Variants in SGCG observed in about 807,000 individuals in gnomAD.
SGCG encodes the protein sarcoglycan gamma, also known as gamma-sarcoglycan.
In SGCG, 26 loss-of-function variants were observed where a neutral mutation model predicts 29.3. The observed-to-expected ratio is 0.89, with a 90% confidence interval of 0.65 to 1.23. SGCG has a LOEUF of 1.23. Among genes scored for constraint, SGCG ranks in the 50% most tolerant of loss-of-function variants. The pLI is 0.00. For missense variants in SGCG, 353 were observed against 356.0 expected (o/e 0.99, Z 0.07); for synonymous variants, 145 against 129.7 (o/e 1.12, Z -0.80).
At chr13:23,299,506 G>A (rs1566037623) in intron 6 of SGCG, among the ~76,000 whole-genome samples, 1 of 134,536 alleles carries the variant, frequency 7.4e-6, no homozygotes, top group Non-Finnish European at 1.6e-5. Flanking sequence ...AGGCTGGGGT[G>A]CAGTGGCGCG....
intron 2 of SGCG, among the ~76,000 whole-genome samples, chr13:23,213,450 C>T (rs1193486072): frequency 2.6e-5 from 4 of 152,064 alleles, no homozygotes; most frequent in African/African-American, 9.7e-5. Context: ...CCACAGCACT[C>T]CAGCCTGGGT....
chr13:23,172,323 A>T, the SGCG span, among the ~76,000 whole-genome samples: 24 of 152,312 alleles, frequency 1.6e-4, no homozygotes, highest in South Asian at 4.8e-3. Context: ...AAAAAACATA[A>T]CACTTAGGAA....
chr13:23,230,904 A>G (rs1369786160), intron 2 of SGCG, among the ~76,000 whole-genome samples: 2 of 152,134 alleles, frequency 1.3e-5, no homozygotes, highest in East Asian at 3.8e-4. Flanking sequence ...TTAACCATTC[A>G]GTATGATATT....
At chr13:23,277,648 G>A (rs935543671) in intron 4 of SGCG, among the ~76,000 whole-genome samples, 1 of 151,214 alleles carries the variant, frequency 6.6e-6, no homozygotes, top group African/African-American at 2.4e-5. Flanking sequence ...AGGGTCAGAG[G>A]GGACACACAC....
At chr13:23,270,203 G>C (rs1337762616) in intron 4 of SGCG, among the ~76,000 whole-genome samples, 2 of 152,160 alleles carry the variant, frequency 1.3e-5, no homozygotes, top group African/African-American at 4.8e-5. Flanking sequence ...TATATCCTCA[G>C]GGTAGATTCC....
chr13:23,233,727 A>G (rs1879194233), intron 2 of SGCG, among the ~76,000 whole-genome samples: 1 of 152,206 alleles, frequency 6.6e-6, no homozygotes, highest in Non-Finnish European at 1.5e-5. Context: ...AAAAAAATGG[A>G]TAAGCCTCCA....
chr13:23,163,609 T>G, the SGCG span, among the ~76,000 whole-genome samples: 3 of 152,260 alleles, frequency 2.0e-5, no homozygotes, highest in South Asian at 6.2e-4. Flanking sequence ...TATAGCTACA[T>G]CAGTAATTAA....
At chr13:23,210,179 T>G (rs1593174413) in intron 2 of SGCG, among the ~76,000 whole-genome samples, 1 of 152,358 alleles carries the variant, frequency 6.6e-6, no homozygotes, top group South Asian at 2.1e-4. Flanking sequence ...GGAAATTATT[T>G]GTTTATGAAG....
At chr13:23,180,299 A>G (rs1229147559), upstream of SGCG, among the ~76,000 whole-genome samples, 4 of 152,050 alleles carry the variant, frequency 2.6e-5, no homozygotes, top group Non-Finnish European at 4.4e-5. Context: ...AAACATAAAG[A>G]CAATTTAAGG....
chr13:23,181,611 A>G (rs9510612), intron 1 of SGCG, among the ~76,000 whole-genome samples: 32,281 of 152,168 alleles, frequency 0.21, 4,083 homozygotes, highest in East Asian at 0.32. Flanking sequence ...TTTTGGAGTG[A>G]AAAGGGAAGA....
intron 2 of SGCG, among the ~76,000 whole-genome samples, chr13:23,226,556 G>A (rs1236931769): frequency 6.6e-6 from 1 of 152,174 alleles, no homozygotes; most frequent in Admixed American, 6.5e-5. Flanking sequence ...TCAACACAAT[G>A]CCAATTGAAA....
intron 1 of SGCG, among the ~76,000 whole-genome samples, chr13:23,193,547 T>A (rs1210391628): frequency 6.6e-6 from 1 of 152,042 alleles, no homozygotes; most frequent in East Asian, 1.9e-4. Flanking sequence ...GTGATGGCAC[T>A]CATGCTTCTG....
chr13:23,256,343 T>G (rs965656443), intron 4 of SGCG, among the ~76,000 whole-genome samples: 4 of 152,164 alleles, frequency 2.6e-5, no homozygotes, highest in Non-Finnish European at 4.4e-5. Context: ...ATTAAGTTAC[T>G]CAAGGAAATA....
chr13:23,252,862 G>A (rs933605994), intron 4 of SGCG, among the ~76,000 whole-genome samples: 1 of 152,068 alleles, frequency 6.6e-6, no homozygotes, highest in Non-Finnish European at 1.5e-5. Context: ...CTAAAAAGCA[G>A]ATTTGCTCAA....
chr13:23,183,064 G>A (rs1876808517), intron 1 of SGCG, among the ~76,000 whole-genome samples: 1 of 152,206 alleles, frequency 6.6e-6, no homozygotes, highest in African/African-American at 2.4e-5. Context: ...AAGAGGCTAT[G>A]ATTAAAAGTT....
At chr13:23,230,121 T>G (rs940244602) in intron 2 of SGCG, among the ~76,000 whole-genome samples, 13 of 152,206 alleles carry the variant, frequency 8.5e-5, no homozygotes, top group Non-Finnish European at 1.6e-4. Flanking sequence ...CTGGGCTCTC[T>G]ATTCTGTTCT....
At chr13:23,211,165 C>G (rs1878190148) in intron 2 of SGCG, among the ~76,000 whole-genome samples, 1 of 152,126 alleles carries the variant, frequency 6.6e-6, no homozygotes, top group Non-Finnish European at 1.5e-5. Context: ...ATTGCCGATG[C>G]CTGCTGCGAG....
intron 6 of SGCG, among the ~76,000 whole-genome samples, chr13:23,301,990 TTAAA>T (rs1381418432): frequency 6.6e-6 from 1 of 152,172 alleles, no homozygotes; most frequent in East Asian, 1.9e-4. Context: ...CTTTTATGGT[TTAAA>T]TAACATAAAT....
chr13:23,186,604 A>G lies in SGCG; in HGVS notation c.-1+5529A>G, dbSNP rs181839030. Among the ~76,000 whole-genome samples the G allele has an allele frequency of 3.1e-3, 466 of 152,218 alleles. 3 individuals carry two copies. Among genetic ancestry groups the G allele is most frequent in the African/African-American group, 0.011 (446 of 41,542 alleles). On this transcript the variant is annotated intron_variant, in intron 1 of 7. Transcript: ENST00000218867. ...TATCCACTGGGGATGGAGCGCCATA[A>G]TGGTCATTGATTTTGGATGTACAGA... is the stretch of plus-strand genomic sequence containing the variant.
Sources: allele counts gnomAD v4.1 joint callset (sites outside exome capture counted in the v4.1 genomes callset), GRCh38; gene constraint gnomAD v4.1.1; transcripts MANE v1.5; gene names NCBI Gene and HGNC (gene_info 2026-07-23, HGNC 2026-07-21).